CASS4: variants seen among roughly 807,000 people sequenced by gnomAD.
The protein encoded by CASS4 is cas scaffolding protein family member 4.
A neutral mutation model predicts 54.2 loss-of-function variants in CASS4; 22 were observed. The observed-to-expected ratio is 0.41, with a 90% CI of 0.29 to 0.58. The LOEUF (loss-of-function observed/expected upper bound fraction) is 0.58. Among genes scored for constraint, CASS4 ranks in the 20% least tolerant of loss-of-function variants. The pLI, the probability that CASS4 is intolerant of heterozygous loss-of-function variation, is 0.36. For synonymous variants in CASS4, 409 were observed against 391.5 expected, an observed-to-expected ratio of 1.04 and a Z score of -0.53; for missense variants, 854 against 986.7, an observed-to-expected ratio of 0.87 and a Z score of 1.80.
chr20:56,450,492 A>G (rs1222246140), intron 3 of CASS4, 107 bp from the exon 4 acceptor site: 3 of 1,024,484 alleles, frequency 2.9e-6, no homozygotes, highest in Non-Finnish European at 4.4e-6. Flanking sequence ...AGTCTTCAGG[A>G]ATTTGTGTCT....
At position 56,452,247 on chromosome 20, in the gene CASS4, G is replaced by T; in HGVS notation, c.1071G>T (p.Ser357=). ...PNIYDIPKAT[S]SVSQAGKELE... is the part of the protein sequence containing the mutation. ...TTTATGACATCCCTAAAGCAACGTC[G>T]AGTGTTTCTCAGGCTGGGAAGGAGC... Residue 357 remains serine, a synonymous_variant, in exon 5 of 6, where the codon TCG becomes TCT. Coordinates refer to ENST00000679887, the MANE Select transcript of CASS4 (RefSeq NM_020356.4). 1 of 1,614,044 alleles carries T rather than the reference G, an allele frequency of 6.2e-7. No individual in the cohort carries two copies. The highest frequency in any genetic ancestry group is 8.5e-7 in the Non-Finnish European group (1 of 1,180,028).
At chr20:56,416,863 G>C (rs1979162315) in intron 1 of CASS4, among the ~76,000 whole-genome samples, 1 of 152,144 alleles carries the variant, frequency 6.6e-6, no homozygotes, top group African/African-American at 2.4e-5. Context: ...CTATGTTACT[G>C]AAGAGTGGAT....
At chr20:56,442,502 G>A (rs989023557) in intron 2 of CASS4, among the ~76,000 whole-genome samples, 5 of 151,588 alleles carry the variant, frequency 3.3e-5, no homozygotes, top group Non-Finnish European at 5.9e-5. Context: ...CAGATGCTAC[G>A]TTACAGCTCT....
At chr20:56,424,740 C>CAAAAAAAAAAA (rs759106984) in intron 1 of CASS4, among the ~76,000 whole-genome samples, 1 of 72,078 alleles carries the variant, frequency 1.4e-5, no homozygotes, top group Non-Finnish European at 2.8e-5. Flanking sequence ...GACTCTGTCT[C>CAAAAAAAAAAA]AAAAAAAAAA....
chr20:56,458,663 C>T lies in CASS4; in HGVS notation c.2277C>T (p.Pro759=), dbSNP rs201106876. 1.2e-6 allele frequency: 2 copies of T among 1,613,252 alleles called. No homozygotes were observed. Among genetic ancestry groups the T allele is most frequent in the Admixed American group, 3.3e-5 (2 of 59,968 alleles). Residue 759 remains proline (P), a synonymous_variant, in exon 6 of 6, where the codon CCC becomes CCT. Coordinates refer to ENST00000679887, the MANE Select transcript of CASS4 (RefSeq NM_020356.4). The part of the protein sequence containing the change: ...LATKNAVLTY[P]SPAALGHLQA... The stretch of plus-strand genomic sequence containing the variant: ...CTAAGAATGCCGTGCTCACGTACCC[C>T]AGCCCTGCCGCGCTGGGGCACCTCC...
intron 1 of CASS4, among the ~76,000 whole-genome samples, chr20:56,433,173 C>T (rs1432302146): frequency 6.6e-6 from 1 of 152,200 alleles, no homozygotes; most frequent in Non-Finnish European, 1.5e-5. Context: ...TAATGTGACA[C>T]GTACTGATGT....
intron 3 of CASS4, among the ~76,000 whole-genome samples, chr20:56,447,522 G>A (rs1980773405): frequency 6.6e-6 from 1 of 152,230 alleles, no homozygotes; most frequent in Admixed American, 6.5e-5. Flanking sequence ...TGTGCTAATA[G>A]CAGTGGCCAG....
chr20:56,423,431 T>C (rs1426976476), intron 1 of CASS4, among the ~76,000 whole-genome samples: 3 of 152,212 alleles, frequency 2.0e-5, no homozygotes, highest in East Asian at 3.8e-4. Flanking sequence ...TGGGAAACAA[T>C]TGAAAGTTGC....
intron 2 of CASS4, among the ~76,000 whole-genome samples, chr20:56,445,694 C>T (rs1031147345): frequency 2.6e-5 from 4 of 152,202 alleles, no homozygotes; most frequent in Non-Finnish European, 5.9e-5. Flanking sequence ...TCGTGGGCCA[C>T]GTGCGAGGAA....
Position 56,452,655 on chromosome 20 carries a change from T to C in CASS4, c.1479T>C (p.Phe493=), listed in dbSNP as rs1448497580. Residue 493 remains phenylalanine (F), a synonymous_variant, in exon 5 of 6, where the codon TTT becomes TTC. Transcript: ENST00000679887. ...TDHIEESVRE[F]LDFARGVHGT... ...ACATAGAAGAATCTGTAAGAGAATT[T>C]CTGGATTTTGCCCGAGGAGTCCATG... The C allele has an allele frequency of 1.9e-6, 3 of 1,614,050 alleles. No homozygotes were observed. Among genetic ancestry groups the C allele is most frequent in the Non-Finnish European group, 2.5e-6 (3 of 1,180,030 alleles).
At chr20:56,431,664 G>C (rs1979909098) in intron 1 of CASS4, among the ~76,000 whole-genome samples, 1 of 152,102 alleles carries the variant, frequency 6.6e-6, no homozygotes, top group Non-Finnish European at 1.5e-5. Context: ...ATTGTTCTCT[G>C]GGAAAAAGTC....
rs200660833 is a variant in CASS4, at chr20:56,445,910, C to T, written c.470C>T (p.Thr157Met). 49 of 1,613,228 alleles carry T rather than the reference C, an allele frequency of 3.0e-5. No individual in the cohort carries two copies. The highest frequency in any genetic ancestry group is 5.0e-5 in the Admixed American group (3 of 59,986). ...TLSFPKQAIL[T>M]LPRPVRASLP... ...TCCTTTCTCTCCAAGGCCATCCTCA[C>T]GCTTCCCAGACCTGTCCGGGCCTCA... The change falls in exon 3 of 6, where the codon ACG becomes ATG. Residue 157 changes from threonine to methionine, a missense_variant. Thr to Met is a moderately conservative substitution (Grantham distance 81). Coordinates refer to ENST00000679887, the MANE Select transcript of CASS4 (RefSeq NM_020356.4).
At chr20:56,428,965 C>T (rs1979771867) in intron 1 of CASS4, among the ~76,000 whole-genome samples, 1 of 150,256 alleles carries the variant, frequency 6.7e-6, no homozygotes, top group African/African-American at 2.5e-5. Flanking sequence ...TGCAGCTTTG[C>T]TCTTTTGAGT....
Position 56,452,455 on chromosome 20 carries a change from G to C in CASS4, c.1279G>C (p.Glu427Gln), listed in dbSNP as rs765370966. 1 of 1,613,918 alleles carries C rather than the reference G, an allele frequency of 6.2e-7. No homozygotes were observed. The highest frequency in any genetic ancestry group is 8.5e-7 in the Non-Finnish European group (1 of 1,179,890). Residue 427 changes from glutamate (E) to glutamine (Q), a missense_variant, in exon 5 of 6, where the codon GAG becomes CAG. Coordinates refer to ENST00000679887, the MANE Select transcript of CASS4 (RefSeq NM_020356.4). ...STDDSSSSSSEESAKELSLDL... is the reference protein window; with the variant it reads ...STDDSSSSSSQESAKELSLDL... ...CGACGACTCCTCCAGCTCTTCCTCGGAGGAGTCAGCAAAGGAGCTCTCCTT... is the reference window on the plus strand; with the variant it reads ...CGACGACTCCTCCAGCTCTTCCTCGCAGGAGTCAGCAAAGGAGCTCTCCTT...
intron 4 of CASS4, 85 bp downstream of exon 4, chr20:56,450,764 T>A: frequency 5.3e-6 from 7 of 1,311,056 alleles, no homozygotes; most frequent in Non-Finnish European, 7.6e-6. Flanking sequence ...CCAGGCACGG[T>A]GGCTGAAGCC....
At chr20:56,448,751 G>T (rs1980849635) in intron 3 of CASS4, among the ~76,000 whole-genome samples, 3 of 152,014 alleles carry the variant, frequency 2.0e-5, no homozygotes, top group Admixed American at 2.0e-4. Context: ...TAATATATAT[G>T]TTTTTTAATT....
At chr20:56,435,602 G>T (rs889873223) in intron 1 of CASS4, among the ~76,000 whole-genome samples, 1 of 152,212 alleles carries the variant, frequency 6.6e-6, no homozygotes, top group African/African-American at 2.4e-5. Context: ...CATCACTGCC[G>T]TGGTAACAAG....
chr20:56,425,339 C>T (rs1019314351), intron 1 of CASS4, among the ~76,000 whole-genome samples: 4 of 152,234 alleles, frequency 2.6e-5, no homozygotes, highest in African/African-American at 7.2e-5. Context: ...AACAGTCATT[C>T]GTTGCCCTCT....
chr20:56,413,462 C>T (rs1167784974), intron 1 of CASS4, among the ~76,000 whole-genome samples: 2 of 151,686 alleles, frequency 1.3e-5, no homozygotes, highest in East Asian at 1.9e-4. Flanking sequence ...CACTTGAGGC[C>T]AGGAGTTTGA....
Sources: gnomAD v4.1 joint callset for allele counts (sites outside exome capture counted in the v4.1 genomes callset) on GRCh38, gnomAD v4.1.1 for gene constraint, MANE v1.5 for transcripts, NCBI Gene and HGNC (gene_info 2026-07-23, HGNC 2026-07-21) for gene names.